YY1: variants seen among roughly 807,000 people sequenced by gnomAD.
The protein encoded by YY1 is transcriptional repressor protein YY1.
A neutral mutation model predicts 35.6 loss-of-function variants in YY1; 2 were observed. That is an observed-to-expected ratio of 0.06 (90% confidence interval 0.02 to 0.18). The LOEUF (loss-of-function observed/expected upper bound fraction) is 0.18, where lower values mean the gene tolerates loss of function less well. Among genes scored for constraint, YY1 ranks in the 10% least tolerant of loss-of-function variants. YY1 has a pLI of 1.00. For missense variants in YY1, 322 were observed against 573.4 expected (o/e 0.56, Z 4.48); for synonymous variants, 268 against 238.9 (o/e 1.12, Z -1.12).
chr14:100,252,217 AT>A, intron 1 of YY1, among the ~76,000 whole-genome samples: 1 of 152,238 alleles, frequency 6.6e-6, no homozygotes, highest in South Asian at 2.1e-4. Flanking sequence ...TTCCTTAATT[AT>A]ATCTTTTTGA....
chr14:100,253,855 G>A (rs555328295), intron 1 of YY1, among the ~76,000 whole-genome samples: 27 of 152,138 alleles, frequency 1.8e-4, no homozygotes, highest in African/African-American at 6.5e-4. Context: ...TTGAGATGGA[G>A]TCTCACTGTT....
In YY1 at chr14:100,277,656, G is replaced by A; in HGVS notation, c.*56G>A. The A allele has an allele frequency of 6.4e-7, 1 of 1,562,210 alleles. No homozygotes were observed. Among genetic ancestry groups the A allele is most frequent in the Non-Finnish European group, 8.8e-7 (1 of 1,137,842 alleles). ...GGAAGCATCTTCCAGAAGTGTGATTGGGAATAAATATGCCTCTCCTTTGTA... is the reference window on the plus strand; with the variant it reads ...GGAAGCATCTTCCAGAAGTGTGATTAGGAATAAATATGCCTCTCCTTTGTA... On this transcript the variant is annotated 3_prime_UTR_variant, in exon 5 of 5. Coordinates refer to ENST00000262238, the MANE Select transcript of YY1 (RefSeq NM_003403.5). This position sits in a 1 kb window ranked among gnomAD's most constrained non-coding sequence, Gnocchi z 5.6.
rs747608908 is a variant in YY1 at position 100,281,268 on chromosome 14, C to T, written c.*3668C>T. 6.6e-6 allele frequency: 1 copy of T among 151,728 alleles called. No homozygotes were observed. Among genetic ancestry groups the T allele is most frequent in the Non-Finnish European group, 1.5e-5 (1 of 67,988 alleles). The allele number at this position is 151,728 out of a possible 1,614,324, so 9.4% of individuals were successfully genotyped here. A position where few individuals can be genotyped will look rare whatever the true frequency, so the allele number is the denominator to read the frequency against. Reference sequence around the variant, plus strand: ...TCCTTCTATTTTCTTGACATCTGACCCCCAGCAAGAGTAAGGATCCCAGAG... The same window carrying T: ...TCCTTCTATTTTCTTGACATCTGACTCCCAGCAAGAGTAAGGATCCCAGAG... On this transcript the variant is annotated 3_prime_UTR_variant, in exon 5 of 5. Coordinates refer to ENST00000262238, the MANE Select transcript of YY1 (RefSeq NM_003403.5).
chr14:100,274,641 C>T, intron 2 of YY1, 57 bp from the exon 3 acceptor site: 1 of 1,457,722 alleles, frequency 6.9e-7, no homozygotes, highest in Non-Finnish European at 9.6e-7. Flanking sequence ...ATGATTTATG[C>T]CAGTTGAGTC....
rs1016830197 is a variant in YY1 at position 100,280,756 on chromosome 14, C to T, written c.*3156C>T. On this transcript the variant is annotated 3_prime_UTR_variant, in exon 5 of 5. Transcript: ENST00000262238. The stretch of plus-strand genomic sequence containing the variant: ...TGTCTTCACAAGTAGATGAGAGTCA[C>T]TTCCAGTCGGGGGAAGCCCGCCTGA... The T allele has an allele frequency of 6.6e-6, 1 of 152,148 alleles. No homozygotes were observed. Among genetic ancestry groups the T allele is most frequent in the Non-Finnish European group, 1.5e-5 (1 of 68,040 alleles). 9.4% of individuals were successfully genotyped at this position (152,148 alleles called of 1,614,324 possible). A position where few individuals can be genotyped will look rare whatever the true frequency, so the allele number is the denominator to read the frequency against.
At chr14:100,254,278 G>A (rs1433230365) in intron 1 of YY1, among the ~76,000 whole-genome samples, 2 of 152,008 alleles carry the variant, frequency 1.3e-5, no homozygotes, top group African/African-American at 2.4e-5. Flanking sequence ...GCAAAAATTA[G>A]CAAAATGGCC....
chr14:100,240,550 C>G (rs1328554293), intron 1 of YY1, among the ~76,000 whole-genome samples: 1 of 151,518 alleles, frequency 6.6e-6, no homozygotes, highest in African/African-American at 2.4e-5. Context: ...GGCCTCCTTG[C>G]TCCCCGCCCA....
At chr14:100,254,614 C>T (rs1160509755) in intron 1 of YY1, among the ~76,000 whole-genome samples, 1 of 151,990 alleles carries the variant, frequency 6.6e-6, no homozygotes, top group Non-Finnish European at 1.5e-5. Context: ...CACGCCACCA[C>T]ACCTGCTAAA....
In YY1 at chr14:100,265,205, C is replaced by G. The variant is rs555176133; in HGVS notation, c.842+2739C>G. ...CCAGCCTGGCCAACATAGTGAAACC[C>G]CATCTCTACTAAAATACAAAAACGT... On this transcript the variant is annotated intron_variant, in intron 2 of 4. Transcript: ENST00000262238. 1.6e-3 allele frequency: 245 copies of G among 152,270 alleles called. 1 individual carries two copies. The highest frequency in any genetic ancestry group is 5.7e-3 in the African/African-American group (237 of 41,538). The allele number at this position is 152,270 out of a possible 1,614,324, so 9.4% of individuals were successfully genotyped here.
At chr14:100,250,838 A>AT (rs777259236) in intron 1 of YY1, among the ~76,000 whole-genome samples, 1 of 149,168 alleles carries the variant, frequency 6.7e-6, no homozygotes, top group African/African-American at 2.5e-5. Context: ...TCCACAGAAA[A>AT]TTAAAAAAAA....
chr14:100,246,051 A>G (rs1236403309), intron 1 of YY1, among the ~76,000 whole-genome samples: 1 of 152,234 alleles, frequency 6.6e-6, no homozygotes, highest in African/African-American at 2.4e-5. Context: ...TTGAGATTTC[A>G]GGTGGTGACA....
chr14:100,279,458 C>G lies in YY1; in HGVS notation c.*1858C>G, dbSNP rs1448231939. 6.6e-6 allele frequency: 1 copy of G among 152,166 alleles called. No homozygotes were observed. Among genetic ancestry groups the G allele is most frequent in the Non-Finnish European group, 1.5e-5 (1 of 68,048 alleles). 9.4% of individuals were successfully genotyped at this position (152,166 alleles called of 1,614,324 possible). Reference sequence around the variant, plus strand: ...TGTGAATCATGAATGAAACATTTAACTTGAGACCCTTTAAAAAATTCATCC... The same window carrying G: ...TGTGAATCATGAATGAAACATTTAAGTTGAGACCCTTTAAAAAATTCATCC... On this transcript the variant is annotated 3_prime_UTR_variant, in exon 5 of 5. Coordinates refer to ENST00000262238, the MANE Select transcript of YY1 (RefSeq NM_003403.5).
rs1595325557 is a variant in YY1 at position 100,260,851 on chromosome 14, AGTGACG to A, written c.680-1452_680-1447del. Reference sequence around the variant, plus strand: ...CTCTAGACTGAAGTTGCAGTGACGCAGTGACGTGGTCACGGCTCACTACAGCCTCGA... The same window carrying A: ...CTCTAGACTGAAGTTGCAGTGACGCATGGTCACGGCTCACTACAGCCTCGA... On this transcript the variant is annotated intron_variant, in intron 1 of 4. Transcript: ENST00000262238. Among the ~76,000 whole-genome samples, 3 of 121,074 alleles carry A rather than the reference AGTGACG, an allele frequency of 2.5e-5. No homozygotes were observed. In the East Asian group the frequency reaches 8.0e-4, roughly 32 times the overall value. 79.4% of individuals were successfully genotyped at this position (121,074 alleles called of 152,430 possible).
Position 100,277,601 on chromosome 14 carries a change from AAAG to A in YY1, c.*6_*8del. Reference sequence around the variant, plus strand: ...TGCTAAGGCCAAAAACAACCAGTGAAAAGAAGAGAGAAGACCCTTCTCGACCAC... The same window carrying A: ...TGCTAAGGCCAAAAACAACCAGTGAAAAGAGAGAAGACCCTTCTCGACCAC... On this transcript the variant is annotated 3_prime_UTR_variant, in exon 5 of 5. Transcript: ENST00000262238. The surrounding 1 kb of genome is among the most constrained non-coding windows in gnomAD (Gnocchi z 5.6). 4 of 1,614,146 alleles carry A rather than the reference AAAG, an allele frequency of 2.5e-6. No individual in the cohort carries two copies. The highest frequency in any genetic ancestry group is 2.2e-5 in the East Asian group (1 of 44,892).
intron 1 of YY1, among the ~76,000 whole-genome samples, chr14:100,248,679 C>CTTTTTTTT (rs11415073): frequency 4.8e-5 from 5 of 105,014 alleles, no homozygotes; most frequent in African/African-American, 1.1e-4. Context: ...GAGTAAAATT[C>CTTTTTTTT]TTTTTTTTTT....
chr14:100,266,468 G>C (rs1891158544), intron 2 of YY1, among the ~76,000 whole-genome samples: 1 of 152,132 alleles, frequency 6.6e-6, no homozygotes, highest in Non-Finnish European at 1.5e-5. Flanking sequence ...GGTGACCCTT[G>C]GCACTGCTCA....
chr14:100,240,117 G>C (rs1403834236), intron 1 of YY1, among the ~76,000 whole-genome samples, 194 bp downstream of exon 1: 2 of 145,992 alleles, frequency 1.4e-5, no homozygotes, highest in East Asian at 2.0e-4. Flanking sequence ...GGCAGGCCGC[G>C]GGGGGGAGGG....
Position 100,251,766 on chromosome 14 carries a change from C to T in YY1, c.680-10538C>T, listed in dbSNP as rs1890928664. ...CCCTCCCTCCCTTTGTCCCTTCCTC[C>T]CCTCCCCTCCCTTTGCTTCTCTTTC... On this transcript the variant is annotated intron_variant, in intron 1 of 4. Coordinates refer to ENST00000262238, the MANE Select transcript of YY1 (RefSeq NM_003403.5). 2.0e-5 allele frequency among the ~76,000 whole-genome samples: 3 copies of T among 152,086 alleles called. No homozygotes were observed. The South Asian group carries it at 6.2e-4, about 32-fold the overall frequency.
intron 1 of YY1, among the ~76,000 whole-genome samples, chr14:100,246,024 T>C (rs1890827620): frequency 6.6e-6 from 1 of 152,180 alleles, no homozygotes; most frequent in Non-Finnish European, 1.5e-5. Context: ...GAGAGAAATT[T>C]AGGTGATTTT....
Sources: gnomAD v4.1 joint callset for allele counts (sites outside exome capture counted in the v4.1 genomes callset) on GRCh38, gnomAD v4.1.1 for gene constraint, Gnocchi (gnomAD v3.1) non-coding constraint, MANE v1.5 for transcripts, NCBI Gene and HGNC (gene_info 2026-07-23, HGNC 2026-07-21) for gene names.